WDR64: variants seen among roughly 807,000 people sequenced by gnomAD.
WDR64 encodes WD repeat-containing protein 64.
A neutral mutation model predicts 139.3 loss-of-function variants in WDR64; 112 were observed. The observed-to-expected ratio is 0.80, with a 90% CI of 0.69 to 0.94. WDR64 has a LOEUF of 0.94. Among genes scored for constraint, WDR64 ranks in the 40% least tolerant of loss-of-function variants. The probability of loss-of-function intolerance (pLI) is 0.00; values close to 1 mark genes in which losing one functional copy is unlikely to be tolerated. For missense variants in WDR64, 1,206 were observed against 1,293.1 expected (o/e 0.93, Z 1.03); for synonymous variants, 444 against 437.7 (o/e 1.01, Z -0.18).
chr1:241,662,828 C>A (rs1038888836), intron 2 of WDR64, among the ~76,000 whole-genome samples: 8 of 152,036 alleles, frequency 5.3e-5, no homozygotes, highest in Admixed American at 2.0e-4. Flanking sequence ...GAAAAGGATG[C>A]CTATTCACCA....
chr1:241,762,983 G>A (rs750224146), intron 15 of WDR64, among the ~76,000 whole-genome samples: 1 of 152,118 alleles, frequency 6.6e-6, no homozygotes, highest in Non-Finnish European at 1.5e-5. Context: ...AATATACACA[G>A]TGACTATGTC....
intron 19 of WDR64, among the ~76,000 whole-genome samples, 175 bp downstream of exon 19, chr1:241,771,872 A>T (rs552371970): frequency 5.1e-4 from 74 of 146,386 alleles, no homozygotes; most frequent in African/African-American, 1.8e-3. Flanking sequence ...ATACACACAC[A>T]TACCCACACA....
Position 241,671,162 on chromosome 1 carries a change from G to A in WDR64, c.365G>A (p.Arg122Gln), listed in dbSNP as rs1302850245. ...NLVFFVSRKR[R>Q]ILISGSRRRD... ...GTTTTCTTTGTGTCTAGAAAAAGGCGAATTTTAATTTCAGGTGACATTTTA... is the reference window on the plus strand; with the variant it reads ...GTTTTCTTTGTGTCTAGAAAAAGGCAAATTTTAATTTCAGGTGACATTTTA... The change falls in exon 3 of 28, where the codon CGA becomes CAA. Residue 122 changes from arginine to glutamine, a missense_variant. Arg to Gln is a conservative substitution (Grantham distance 43). Coordinates refer to ENST00000437684, the MANE Select transcript of WDR64 (RefSeq NM_001367482.1). 11 of 1,547,488 alleles carry A rather than the reference G, an allele frequency of 7.1e-6. No homozygotes were observed. The highest frequency in any genetic ancestry group is 4.9e-5 in the East Asian group (2 of 40,850).
chr1:241,660,607 C>G lies in WDR64; in HGVS notation c.223C>G (p.Arg75Gly), dbSNP rs202067234. 735 of 1,551,604 alleles carry G rather than the reference C, an allele frequency of 4.7e-4. No individual in the cohort carries two copies. Among genetic ancestry groups the G allele is most frequent in the Middle Eastern group, 3.0e-3 (18 of 5,994 alleles). The change falls in exon 2 of 28, where the codon CGC becomes GGC. Residue 75 changes from arginine to glycine, a missense_variant. By Grantham distance (125) the Arg-to-Gly change is moderately radical. Coordinates refer to ENST00000437684, the MANE Select transcript of WDR64 (RefSeq NM_001367482.1). ...AGATGTGAAGAATCAAGATGTGAAACGCTTTTACAGGAAACTGTGCAACAA... is the reference window on the plus strand; with the variant it reads ...AGATGTGAAGAATCAAGATGTGAAAGGCTTTTACAGGAAACTGTGCAACAA... ...GPDVKNQDVK[R>G]FYRKLCNNTD...
chr1:241,713,982 G>T (rs1445535304), intron 9 of WDR64, among the ~76,000 whole-genome samples: 1 of 152,208 alleles, frequency 6.6e-6, no homozygotes, highest in East Asian at 1.9e-4. Context: ...ACCTGGGGAA[G>T]AAGAACAAAA....
intron 9 of WDR64, among the ~76,000 whole-genome samples, chr1:241,713,872 T>C (rs1419411149): frequency 6.6e-6 from 1 of 152,112 alleles, no homozygotes. Flanking sequence ...CTTTTGGGGA[T>C]TAGTAAGAGA....
At chr1:241,800,453 T>TA (rs1659489061) in intron 27 of WDR64, among the ~76,000 whole-genome samples, 1 of 152,226 alleles carries the variant, frequency 6.6e-6, no homozygotes, top group African/African-American at 2.4e-5. Flanking sequence ...TTTAAATTTT[T>TA]ATACCTATTT....
At chr1:241,800,086 G>A (rs1274599473) in intron 27 of WDR64, among the ~76,000 whole-genome samples, 2 of 152,140 alleles carry the variant, frequency 1.3e-5, no homozygotes, top group East Asian at 1.9e-4. Context: ...TAGTGAATTA[G>A]CCTTTAAAAC....
chr1:241,699,309 GC>G (rs1427448377), intron 8 of WDR64, among the ~76,000 whole-genome samples: 12 of 152,116 alleles, frequency 7.9e-5, no homozygotes, highest in Non-Finnish European at 1.5e-4. Flanking sequence ...CATTATTTGG[GC>G]AAAACTACAG....
intron 6 of WDR64, among the ~76,000 whole-genome samples, chr1:241,680,842 T>G (rs748950522): frequency 1.4e-4 from 21 of 152,220 alleles, no homozygotes; most frequent in Non-Finnish European, 2.5e-4. Context: ...CCATTTCTTG[T>G]AAGTCATCCA....
intron 2 of WDR64, among the ~76,000 whole-genome samples, chr1:241,668,687 G>A (rs966581987): frequency 3.9e-5 from 6 of 152,118 alleles, no homozygotes; most frequent in Admixed American, 3.3e-4. Context: ...GAGGTGGGCA[G>A]ATCACAGGGT....
At chr1:241,784,081 T>G (rs1658947479) in intron 23 of WDR64, among the ~76,000 whole-genome samples, 1 of 152,204 alleles carries the variant, frequency 6.6e-6, no homozygotes, top group Non-Finnish European at 1.5e-5. Flanking sequence ...TTATGCTGCA[T>G]AAAAGTTGCT....
At chr1:241,744,226 C>A (rs1400920905) in intron 12 of WDR64, among the ~76,000 whole-genome samples, 167 bp from the exon 13 acceptor site, 1 of 152,166 alleles carries the variant, frequency 6.6e-6, no homozygotes, top group African/African-American at 2.4e-5. Flanking sequence ...TGCACTTTAT[C>A]TTTTAGAACT....
chr1:241,788,028 G>T lies in WDR64; in HGVS notation c.2885G>T (p.Arg962Leu), dbSNP rs149173462. The T allele has an allele frequency of 1.0e-5, 16 of 1,584,828 alleles. No individual in the cohort carries two copies. In the African/African-American group the frequency reaches 2.2e-4, roughly 22 times the overall value. The change falls in exon 24 of 28, where the codon CGG becomes CTG. Residue 962 changes from arginine to leucine, a missense_variant. Coordinates refer to ENST00000437684, the MANE Select transcript of WDR64 (RefSeq NM_001367482.1). ...QKYEYPLIFDREKWRKMSSVS... is the reference protein window; with the variant it reads ...QKYEYPLIFDLEKWRKMSSVS... ...TATGAATATCCTCTGATATTTGACCGGGAAAAGTAAGACCATTAGCTCTTC... is the reference window on the plus strand; with the variant it reads ...TATGAATATCCTCTGATATTTGACCTGGAAAAGTAAGACCATTAGCTCTTC...
intron 23 of WDR64, among the ~76,000 whole-genome samples, chr1:241,786,680 T>G (rs73126017): frequency 0.024 from 3,598 of 152,196 alleles, 144 homozygotes; most frequent in African/African-American, 0.082. Flanking sequence ...TCCCTTAAGT[T>G]TGGTTGATGC....
rs1165449654 is a variant in WDR64 at position 241,744,511 on chromosome 1, A to G, written c.1589A>G (p.Tyr530Cys). Residue 530 changes from tyrosine (Y) to cysteine (C), a missense_variant, in exon 13 of 28, where the codon TAT becomes TGT. By Grantham distance (194) the Tyr-to-Cys change is radical. Coordinates refer to ENST00000437684, the MANE Select transcript of WDR64 (RefSeq NM_001367482.1). ...GGATTTCTTTTTGCCACAGGAGCGT[A>G]TAATGGTCAGACTAACATCCAGAAT... ...ESGFLFATGA[Y>C]NGTVRIWDFG... 5.0e-6 allele frequency: 8 copies of G among 1,613,894 alleles called. No individual in the cohort carries two copies. The highest frequency in any genetic ancestry group is 1.7e-5 in the Admixed American group (1 of 59,962).
In WDR64 at chr1:241,788,025, A is replaced by G. The variant is rs760928361; in HGVS notation, c.2882A>G (p.Asp961Gly). The change falls in exon 24 of 28, where the codon GAC becomes GGC. Residue 961 changes from aspartate to glycine, a missense_variant. Asp to Gly is a moderately conservative substitution (Grantham distance 94, BLOSUM62 -1). Coordinates refer to ENST00000437684, the MANE Select transcript of WDR64 (RefSeq NM_001367482.1). ...AAATATGAATATCCTCTGATATTTG[A>G]CCGGGAAAAGTAAGACCATTAGCTC... is the stretch of plus-strand genomic sequence containing the variant. ...KQKYEYPLIF[D>G]REKWRKMSSV... is the part of the protein sequence containing the mutation. 4 of 1,591,182 alleles carry G rather than the reference A, an allele frequency of 2.5e-6. No individual in the cohort carries two copies. The highest frequency in any genetic ancestry group is 1.7e-4 in the Middle Eastern group (1 of 5,894).
intron 6 of WDR64, among the ~76,000 whole-genome samples, chr1:241,680,204 C>G (rs1007110190): frequency 6.6e-6 from 1 of 151,974 alleles, no homozygotes; most frequent in Non-Finnish European, 1.5e-5. Flanking sequence ...CACTGAGCAC[C>G]GAGGTTATTT....
chr1:241,737,942 C>T (rs191452289), intron 10 of WDR64, among the ~76,000 whole-genome samples: 5 of 152,266 alleles, frequency 3.3e-5, no homozygotes, highest in Admixed American at 1.3e-4. Flanking sequence ...ATGTTCCCAT[C>T]GTCATAAGAG....
Sources: allele counts gnomAD v4.1 joint callset (sites outside exome capture counted in the v4.1 genomes callset), GRCh38; gene constraint gnomAD v4.1.1; transcripts MANE v1.5; gene names NCBI Gene and HGNC (gene_info 2026-07-23, HGNC 2026-07-21).